PPAT: variants seen among roughly 807,000 people sequenced by gnomAD.
The protein encoded by PPAT is phosphoribosyl pyrophosphate amidotransferase.
In PPAT, 20 loss-of-function variants were observed where a neutral mutation model predicts 60.2. That is an observed-to-expected ratio of 0.33 (90% confidence interval 0.23 to 0.48). The LOEUF is 0.48. Ranked by LOEUF, PPAT falls within the 20% of genes least tolerant of loss-of-function variation. The probability of loss-of-function intolerance (pLI) is 0.99; values close to 1 mark genes in which losing one functional copy is unlikely to be tolerated. For missense variants in PPAT, 349 were observed against 629.6 expected, an observed-to-expected ratio of 0.55 and a Z score of 4.77; for synonymous variants, 194 against 215.1, an observed-to-expected ratio of 0.90 and a Z score of 0.86.
chr4:56,410,937 C>G (rs1716433719), intron 1 of PPAT: 1 of 912,712 alleles, frequency 1.1e-6, no homozygotes, highest in South Asian at 5.2e-5. Context: ...AAGAAAAGTA[C>G]TCTTGTTTTT....
Position 56,403,402 on chromosome 4 carries a change from C to G in PPAT, c.403-1G>C. On this transcript the variant is annotated splice_acceptor_variant, in intron 3 of 10. Coordinates refer to ENST00000264220, the MANE Select transcript of PPAT (RefSeq NM_002703.5). LOFTEE classifies it high-confidence loss of function. ...ACAGACCAATACCATGACGCAGAAGCTATATAGAAAAAAAGAGAAGTTTAA... is the reference window on the plus strand; with the variant it reads ...ACAGACCAATACCATGACGCAGAAGGTATATAGAAAAAAAGAGAAGTTTAA... The G allele has an allele frequency of 6.2e-7, 1 of 1,603,482 alleles. No individual in the cohort carries two copies. Among genetic ancestry groups the G allele is most frequent in the Non-Finnish European group, 8.5e-7 (1 of 1,172,928 alleles).
rs773422374 is a variant in PPAT at position 56,435,304 on chromosome 4, G to A, written c.128+46C>T. The A allele has an allele frequency of 3.1e-6, 5 of 1,609,378 alleles. No homozygotes were observed. The African/African-American group carries it at 5.3e-5, about 17-fold the overall frequency. On this transcript the variant is annotated intron_variant, in intron 1 of 10. Coordinates refer to ENST00000264220, the MANE Select transcript of PPAT (RefSeq NM_002703.5). ...AACGCCGACTGCGGGAAGCGGCTCC[G>A]AGAGATGGAGACGCACGCCCCCGCC...
At chr4:56,410,870 C>T (rs1249356874) in intron 1 of PPAT, 1 of 970,274 alleles carries the variant, frequency 1.0e-6, no homozygotes, top group Non-Finnish European at 1.2e-6. Context: ...AACGCTCAGC[C>T]CAAGTACAGC....
intron 1 of PPAT, among the ~76,000 whole-genome samples, chr4:56,409,472 A>AT (rs397993482): frequency 1.3e-5 from 2 of 151,622 alleles, no homozygotes; most frequent in Non-Finnish European, 2.9e-5. Context: ...AGAAAAAAAA[A>AT]TTTTGTTTCT....
In PPAT at chr4:56,394,707, A is replaced by G. The variant is rs1715918753; in HGVS notation, c.*645T>C. The G allele has an allele frequency of 6.6e-6, 1 of 152,236 alleles. No homozygotes were observed. The highest frequency in any genetic ancestry group is 6.5e-5 in the Admixed American group (1 of 15,282). 9.4% of individuals were successfully genotyped at this position (152,236 alleles called of 1,614,324 possible). ...AACTAATTTCAAAAAGTTAACAATCATTAGCTTTCTGAAAGCTAACAATCA... is the reference window on the plus strand; with the variant it reads ...AACTAATTTCAAAAAGTTAACAATCGTTAGCTTTCTGAAAGCTAACAATCA... On this transcript the variant is annotated 3_prime_UTR_variant, in exon 11 of 11. Transcript: ENST00000264220.
At chr4:56,422,821 G>A (rs1488418394) in intron 1 of PPAT, 1 of 152,136 alleles carries the variant, frequency 6.6e-6, no homozygotes, top group Non-Finnish European at 1.5e-5. Flanking sequence ...ATTAATGGAA[G>A]CAATGTTCCC....
chr4:56,402,177 T>C lies in PPAT; in HGVS notation c.666A>G (p.Lys222=), dbSNP rs575435588. 66 of 1,603,226 alleles carry C rather than the reference T, an allele frequency of 4.1e-5. No individual in the cohort carries two copies. In the Admixed American group the frequency reaches 9.5e-4, roughly 23 times the overall value. The change falls in exon 6 of 11, where the codon AAA becomes AAG. Residue 222 remains lysine (K), a synonymous_variant. Coordinates refer to ENST00000264220, the MANE Select transcript of PPAT (RefSeq NM_002703.5). ...IPVSDINDKE[K]KTSETEGWVV... The stretch of plus-strand genomic sequence containing the variant: ...CCCATCCTTCTGTTTCTGATGTTTT[T>C]TTCTCTGTAAATCACAAATCAATTC...
At chr4:56,412,242 A>G (rs375353256) in intron 1 of PPAT, among the ~76,000 whole-genome samples, 41 of 151,786 alleles carry the variant, frequency 2.7e-4, no homozygotes, top group South Asian at 8.3e-4. Context: ...TCCTTACAAC[A>G]TAACTATGCA....
At chr4:56,414,056 C>T (rs1349433379) in intron 1 of PPAT, among the ~76,000 whole-genome samples, 1 of 152,116 alleles carries the variant, frequency 6.6e-6, no homozygotes, top group Non-Finnish European at 1.5e-5. Context: ...CCATTCATGT[C>T]AATTGGGGTC....
intron 1 of PPAT, chr4:56,420,308 G>A (rs1220359865): frequency 6.6e-6 from 1 of 152,146 alleles, no homozygotes; most frequent in Admixed American, 6.5e-5. Flanking sequence ...ACAAAGTTTT[G>A]ACTATACCCA....
In PPAT at chr4:56,429,839, G is replaced by T. The variant is rs535731691; in HGVS notation, c.128+5511C>A. 2.0e-5 allele frequency among the ~76,000 whole-genome samples: 3 copies of T among 152,260 alleles called. No homozygotes were observed. The South Asian group carries it at 6.2e-4, about 32-fold the overall frequency. ...CACTATTCTCACTTCTATCACCATAGATTAGTTTGGGATTCATACTATATG... is the reference window on the plus strand; with the variant it reads ...CACTATTCTCACTTCTATCACCATATATTAGTTTGGGATTCATACTATATG... On this transcript the variant is annotated intron_variant, in intron 1 of 10. Coordinates refer to ENST00000264220, the MANE Select transcript of PPAT (RefSeq NM_002703.5).
At chr4:56,413,226 C>T (rs1450539978) in intron 1 of PPAT, among the ~76,000 whole-genome samples, 2 of 152,172 alleles carry the variant, frequency 1.3e-5, no homozygotes, top group African/African-American at 4.8e-5. Context: ...GTGGTGCAAT[C>T]TCAGCTCACA....
chr4:56,404,072 A>G (rs1307767552), intron 3 of PPAT: 3 of 444,960 alleles, frequency 6.7e-6, no homozygotes, highest in Non-Finnish European at 1.4e-5. Context: ...CGCTAATAGT[A>G]TGTATATACT....
At chr4:56,435,265 C>A in intron 1 of PPAT, 85 bp downstream of exon 1, 1 of 1,579,352 alleles carries the variant, frequency 6.3e-7, no homozygotes, top group South Asian at 1.2e-5. Context: ...CCCGGGCCCT[C>A]GGGCGCTCAT....
chr4:56,419,355 A>AG (rs1266343778), intron 1 of PPAT, among the ~76,000 whole-genome samples: 4 of 152,306 alleles, frequency 2.6e-5, no homozygotes, highest in African/African-American at 7.2e-5. Context: ...GGTATGGAAG[A>AG]GAAAAAAAAG....
Position 56,403,312 on chromosome 4 carries a change from A to T in PPAT, c.492T>A (p.Asp164Glu). 12 of 1,613,724 alleles carry T rather than the reference A, an allele frequency of 7.4e-6. No individual in the cohort carries two copies. The highest frequency in any genetic ancestry group is 1.0e-5 in the Non-Finnish European group (12 of 1,179,606). Residue 164 changes from aspartate (D) to glutamate (E), a missense_variant, in exon 4 of 11, where the codon GAT becomes GAA. Asp to Glu is a conservative substitution (Grantham distance 45). This residue lies in a region of PPAT where 63 missense variants were observed against 86.9 expected (regional missense o/e 0.73). Transcript: ENST00000264220. ...ACCTGGCTACCCAGTCTGGGGTGTC[A>T]TCTTGTTCCTGAGGAGGGGTATACG... ...LLAYTPPQEQ[D>E]DTPDWVARIK...
At chr4:56,427,152 G>A (rs1717331667) in intron 1 of PPAT, among the ~76,000 whole-genome samples, 1 of 152,094 alleles carries the variant, frequency 6.6e-6, no homozygotes, top group Non-Finnish European at 1.5e-5. Context: ...GGTTGTTTCT[G>A]CCTTTCGGCT....
intron 10 of PPAT, 140 bp from the exon 11 acceptor site, chr4:56,395,688 A>G (rs200655048): frequency 3.4e-5 from 18 of 525,108 alleles, no homozygotes; most frequent in Middle Eastern, 5.5e-4. Context: ...AAAAAAAAAA[A>G]GGAAAAAAAA....
chr4:56,434,681 C>T (rs1325719019), intron 1 of PPAT, among the ~76,000 whole-genome samples: 1 of 152,160 alleles, frequency 6.6e-6, no homozygotes, highest in Non-Finnish European at 1.5e-5. Context: ...TTAGGCAAGA[C>T]GTCTACCAAT....
Sources: allele counts gnomAD v4.1 joint callset (sites outside exome capture counted in the v4.1 genomes callset), GRCh38; gene constraint gnomAD v4.1.1; regional missense constraint gnomAD v4.1.1; transcripts MANE v1.5; gene names NCBI Gene and HGNC (gene_info 2026-07-23, HGNC 2026-07-21).